The following CLVS1 variants were observed in gnomAD, a reference collection of about 807,000 sequenced individuals.
The protein encoded by CLVS1 is clavesin-1.
A neutral mutation model predicts 33.1 loss-of-function variants in CLVS1; 10 were observed. The observed-to-expected ratio is 0.30, with a 90% confidence interval of 0.19 to 0.51. The LOEUF (loss-of-function observed/expected upper bound fraction) is 0.51, where lower values mean the gene tolerates loss of function less well. Ranked by LOEUF, CLVS1 falls within the 20% of genes least tolerant of loss-of-function variation. The probability of loss-of-function intolerance (pLI) is 0.97; values close to 1 mark genes in which losing one functional copy is unlikely to be tolerated. For missense variants in CLVS1, 343 were observed against 433.4 expected (o/e 0.79, Z 1.85); for synonymous variants, 163 against 166.1 (o/e 0.98, Z 0.14).
the CLVS1 span, among the ~76,000 whole-genome samples, chr8:61,044,943 CACA>C: frequency 2.0e-5 from 3 of 152,242 alleles, no homozygotes; most frequent in Non-Finnish European, 4.4e-5. Context: ...CATGTAAATG[CACA>C]ACAAGAGCCA....
intron 3 of CLVS1, among the ~76,000 whole-genome samples, chr8:61,451,088 GA>G (rs1263747994): frequency 6.6e-6 from 1 of 151,968 alleles, no homozygotes; most frequent in Non-Finnish European, 1.5e-5. Context: ...GTGTGAGCAG[GA>G]AATTAATCAG....
upstream of CLVS1, among the ~76,000 whole-genome samples, chr8:61,285,435 A>G (rs948797881): frequency 6.6e-6 from 1 of 152,034 alleles, no homozygotes; most frequent in Non-Finnish European, 1.5e-5. Context: ...TGTTTTGCAC[A>G]CTCTGCTTGA....
chr8:61,357,608 A>T (rs1812791109), intron 2 of CLVS1, among the ~76,000 whole-genome samples: 1 of 146,612 alleles, frequency 6.8e-6, no homozygotes, highest in South Asian at 2.2e-4. Flanking sequence ...TAGGTTCAAG[A>T]GATTCTCATG....
chr8:60,968,819 G>C, the CLVS1 span, among the ~76,000 whole-genome samples: 1 of 151,930 alleles, frequency 6.6e-6, no homozygotes, highest in Admixed American at 6.6e-5. Flanking sequence ...AGCCTGGCAG[G>C]TTAAGGCTGC....
intron 2 of CLVS1, among the ~76,000 whole-genome samples, chr8:61,307,058 G>A (rs1810655061): frequency 6.6e-6 from 1 of 152,164 alleles, no homozygotes; most frequent in South Asian, 2.1e-4. Context: ...AAATGAATGG[G>A]GGGTTGTTGG....
intron 2 of CLVS1, among the ~76,000 whole-genome samples, chr8:61,211,904 T>C (rs1317035497): frequency 1.3e-5 from 2 of 152,130 alleles, no homozygotes; most frequent in African/African-American, 4.8e-5. Context: ...CCTCTGCGGC[T>C]GGCTTTGAAA....
chr8:61,142,972 T>C (rs1411355265), intron 2 of CLVS1, among the ~76,000 whole-genome samples: 3 of 152,196 alleles, frequency 2.0e-5, no homozygotes. Flanking sequence ...GGAAGCAAAT[T>C]AATAGCATTC....
chr8:61,328,280 C>A (rs1031010188), intron 2 of CLVS1, among the ~76,000 whole-genome samples: 1 of 152,070 alleles, frequency 6.6e-6, no homozygotes, highest in Admixed American at 6.5e-5. Context: ...TTAGAAAGAA[C>A]CCAAAATAAG....
intron 2 of CLVS1, among the ~76,000 whole-genome samples, chr8:61,349,731 C>A (rs1812369225): frequency 6.6e-6 from 1 of 152,110 alleles, no homozygotes; most frequent in Non-Finnish European, 1.5e-5. Context: ...CTCCCATACT[C>A]CCCTGGTTTG....
chr8:61,356,940 A>G (rs1304629717), intron 2 of CLVS1, among the ~76,000 whole-genome samples: 1 of 152,286 alleles, frequency 6.6e-6, no homozygotes, highest in East Asian at 1.9e-4. Flanking sequence ...GTTTTTTCCA[A>G]TTCTGTGAAG....
intron 1 of CLVS1, among the ~76,000 whole-genome samples, chr8:61,072,681 T>C (rs147015687): frequency 6.6e-6 from 1 of 152,352 alleles, no homozygotes; most frequent in Non-Finnish European, 1.5e-5. Flanking sequence ...TTCTCACTTA[T>C]AACACCAATG....
intron 2 of CLVS1, among the ~76,000 whole-genome samples, chr8:61,224,516 G>A (rs1397896616): frequency 1.3e-5 from 2 of 152,160 alleles, no homozygotes; most frequent in Non-Finnish European, 2.9e-5. Context: ...CACTCAAGAA[G>A]GCTAGAGAAC....
At chr8:61,324,371 C>G (rs994672772) in intron 2 of CLVS1, among the ~76,000 whole-genome samples, 1 of 152,066 alleles carries the variant, frequency 6.6e-6, no homozygotes, top group African/African-American at 2.4e-5. Flanking sequence ...TGCTGCCACC[C>G]TGGAAGAACT....
intron 2 of CLVS1, among the ~76,000 whole-genome samples, chr8:61,348,843 T>C (rs556265126): frequency 6.6e-6 from 1 of 152,184 alleles, no homozygotes; most frequent in Non-Finnish European, 1.5e-5. Flanking sequence ...TCACCAACAG[T>C]ATACAAGTGT....
chr8:61,128,069 G>C (rs947725609), intron 1 of CLVS1, among the ~76,000 whole-genome samples: 2 of 152,250 alleles, frequency 1.3e-5, no homozygotes, highest in Admixed American at 1.3e-4. Context: ...GGAGTGTTCA[G>C]TTGATTGATT....
intron 5 of CLVS1, among the ~76,000 whole-genome samples, chr8:61,462,181 C>G (rs1809764): frequency 0.87 from 132,197 of 152,130 alleles, 57,593 homozygotes; most frequent in Middle Eastern, 0.92. Context: ...ACATTCATGA[C>G]GGTTGGGCTC....
rs781376219 is a variant in CLVS1, at chr8:61,454,157, G to A, written c.647G>A (p.Arg216His). The A allele has an allele frequency of 2.5e-6, 4 of 1,613,704 alleles. No individual in the cohort carries two copies. The highest frequency in any genetic ancestry group is 2.2e-5 in the East Asian group (1 of 44,894). The change falls in exon 4 of 6, where the codon CGC (arginine) becomes CAC (histidine). Residue 216 changes from arginine to histidine, a missense_variant. Arg to His is a conservative substitution (Grantham distance 29, BLOSUM62 0). This residue lies in a region of CLVS1 where 166 missense variants were observed against 244.0 expected (regional missense o/e 0.68). Coordinates refer to ENST00000325897, the MANE Select transcript of CLVS1 (RefSeq NM_173519.3). The stretch of plus-strand genomic sequence containing the variant: ...CTGCCCCAGGACAGCTTTCCTGCCC[G>A]CTTTGGAGGAGTCCACTTTGTCAAC... ...IEGLQDSFPA[R>H]FGGVHFVNQP...
intron 5 of CLVS1, among the ~76,000 whole-genome samples, chr8:61,485,324 G>A (rs1009016060): frequency 6.6e-6 from 1 of 152,182 alleles, no homozygotes; most frequent in Non-Finnish European, 1.5e-5. Context: ...CATTTATGCA[G>A]TCAACAGACA....
intron 2 of CLVS1, among the ~76,000 whole-genome samples, chr8:61,163,270 G>A (rs1806785922): frequency 6.6e-6 from 1 of 152,152 alleles, no homozygotes; most frequent in South Asian, 2.1e-4. Flanking sequence ...TATCATGGGA[G>A]CTGCCTCTTC....
Sources: gnomAD v4.1 joint callset for allele counts (sites outside exome capture counted in the v4.1 genomes callset) on GRCh38, gnomAD v4.1.1 for gene constraint, gnomAD v4.1.1 regional missense constraint, MANE v1.5 for transcripts, NCBI Gene and HGNC (gene_info 2026-07-23, HGNC 2026-07-21) for gene names.